MAP4K5: variants seen among roughly 807,000 people sequenced by gnomAD.
MAP4K5 encodes MAPK/ERK kinase kinase kinase 5.
A neutral mutation model predicts 135.6 loss-of-function variants in MAP4K5; 82 were observed. The observed-to-expected ratio is 0.60, with a 90% CI of 0.51 to 0.73. The LOEUF (loss-of-function observed/expected upper bound fraction) is 0.73. Among genes scored for constraint, MAP4K5 ranks in the 30% least tolerant of loss-of-function variants. The probability of loss-of-function intolerance (pLI) is 0.00; values close to 1 mark genes in which losing one functional copy is unlikely to be tolerated. For synonymous variants in MAP4K5, 347 were observed against 335.0 expected (o/e 1.04, Z -0.39); for missense variants, 907 against 1,010.9 (o/e 0.90, Z 1.39).
intron 3 of MAP4K5, among the ~76,000 whole-genome samples, chr14:50,502,560 A>T (rs1359480634): frequency 6.6e-6 from 1 of 152,150 alleles, no homozygotes. Flanking sequence ...CAAAATGCCA[A>T]ATATCCTACA....
chr14:50,524,698 CA>C (rs1458052961), intron 2 of MAP4K5, among the ~76,000 whole-genome samples: 41 of 151,568 alleles, frequency 2.7e-4, no homozygotes, highest in Admixed American at 2.7e-3. Context: ...GGAATACCTG[CA>C]AAAATCTGAA....
chr14:50,542,006 C>CAAAAAAAAA (rs59075218), intron 2 of MAP4K5, among the ~76,000 whole-genome samples: 1 of 62,476 alleles, frequency 1.6e-5, no homozygotes. Flanking sequence ...GATTCCGTCT[C>CAAAAAAAAA]AAAAAAAAAA....
chr14:50,519,122 C>T (rs1332561373), intron 2 of MAP4K5, among the ~76,000 whole-genome samples: 1 of 151,712 alleles, frequency 6.6e-6, no homozygotes, highest in African/African-American at 2.4e-5. Context: ...TATAACTATA[C>T]AAGAAAATAA....
chr14:50,523,037 C>T (rs904068407), intron 2 of MAP4K5, among the ~76,000 whole-genome samples: 6 of 152,162 alleles, frequency 3.9e-5, no homozygotes, highest in Admixed American at 1.3e-4. Context: ...ATGGGCTGGG[C>T]GCAGTGGCTC....
chr14:50,531,960 G>T lies in MAP4K5; in HGVS notation c.90C>A (p.Thr30=). The change falls in exon 2 of 33, where the codon ACC becomes ACA. Residue 30 remains threonine, a synonymous_variant. Coordinates refer to ENST00000682126, the MANE Select transcript of MAP4K5 (RefSeq NM_006575.6). ...YELVQRVGSG[T]YGDVYKARNV... ...CACTTACCTTATAGACGTCCCCGTA[G>T]GTGCCGCTGCCGACCCTCTGGACGA... 1 of 1,602,216 alleles carries T rather than the reference G, an allele frequency of 6.2e-7. No individual in the cohort carries two copies. The highest frequency in any genetic ancestry group is 2.3e-5 in the East Asian group (1 of 44,090).
chr14:50,476,740 G>A (rs1054137177), intron 6 of MAP4K5, among the ~76,000 whole-genome samples: 3 of 152,340 alleles, frequency 2.0e-5, no homozygotes, highest in East Asian at 3.9e-4. Context: ...GGGATTACAG[G>A]CGTGAGCCAC....
chr14:50,474,017 T>A (rs779737945), intron 9 of MAP4K5, among the ~76,000 whole-genome samples: 23 of 152,132 alleles, frequency 1.5e-4, no homozygotes, highest in Non-Finnish European at 3.2e-4. Flanking sequence ...AACTTGACTA[T>A]TTCCACATAC....
At chr14:50,474,453 C>G (rs2037050821) in intron 9 of MAP4K5, among the ~76,000 whole-genome samples, 1 of 151,598 alleles carries the variant, frequency 6.6e-6, no homozygotes, top group South Asian at 2.1e-4. Flanking sequence ...ATAACATTCA[C>G]AATTTTAAAT....
In MAP4K5 at chr14:50,520,641, A is replaced by C. The variant is rs1300422347; in HGVS notation, c.108+11301T>G. The stretch of plus-strand genomic sequence containing the variant: ...TGAAATCATTCACATTTTATAATTT[A>C]TAACAGCATTACAGAGCCTAGTTTA... On this transcript the variant is annotated intron_variant, in intron 2 of 32. Transcript: ENST00000682126. Among the ~76,000 whole-genome samples, 3 of 152,344 alleles carry C rather than the reference A, an allele frequency of 2.0e-5. No individual in the cohort carries two copies. The East Asian group carries it at 5.8e-4, about 29-fold the overall frequency.
At chr14:50,464,437 T>C (rs2036785519) in intron 11 of MAP4K5, among the ~76,000 whole-genome samples, 1 of 152,214 alleles carries the variant, frequency 6.6e-6, no homozygotes. Flanking sequence ...AAATGTCCTT[T>C]TCTCATTGCA....
rs2139643019 is a variant in MAP4K5, at chr14:50,428,773, G to C, written c.2234-19C>G. The C allele has an allele frequency of 9.0e-7, 1 of 1,113,346 alleles. No homozygotes were observed. Among genetic ancestry groups the C allele is most frequent in the Non-Finnish European group, 1.3e-6 (1 of 784,322 alleles). The allele number at this position is 1,113,346 out of a possible 1,614,324, so 69.0% of individuals were successfully genotyped here. ...ACAAATTCTTAAAAAAAAAAAACAA[G>C]TCAAGACTGGACATGCAAATCTGCT... is the stretch of plus-strand genomic sequence containing the variant. On this transcript the variant is annotated intron_variant, in intron 29 of 32. Coordinates refer to ENST00000682126, the MANE Select transcript of MAP4K5 (RefSeq NM_006575.6).
At chr14:50,420,371 C>T (rs558893833) in intron 32 of MAP4K5, among the ~76,000 whole-genome samples, 9 of 152,214 alleles carry the variant, frequency 5.9e-5, no homozygotes, top group African/African-American at 2.2e-4. Context: ...TGGCTCACAC[C>T]TGTAATCCCA....
chr14:50,517,595 C>T (rs1482737704), intron 2 of MAP4K5, among the ~76,000 whole-genome samples: 2 of 151,920 alleles, frequency 1.3e-5, no homozygotes, highest in Non-Finnish European at 1.5e-5. Context: ...TGGTGAAATC[C>T]TGTCTCTACT....
upstream of MAP4K5, among the ~76,000 whole-genome samples, chr14:50,537,197 A>G (rs1376775434): frequency 6.6e-6 from 1 of 152,180 alleles, no homozygotes; most frequent in Non-Finnish European, 1.5e-5. Context: ...CTGCAGCTGA[A>G]AGGGGCCAAC....
intron 7 of MAP4K5, 30 bp downstream of exon 7, chr14:50,476,229 T>C (rs375237127): frequency 3.4e-6 from 5 of 1,486,292 alleles, no homozygotes; most frequent in Non-Finnish European, 4.5e-6. Context: ...CCAATAGAAT[T>C]GGCAATTTAA....
intron 23 of MAP4K5, among the ~76,000 whole-genome samples, chr14:50,439,523 T>G (rs1173034376): frequency 2.0e-5 from 3 of 152,068 alleles, no homozygotes; most frequent in Non-Finnish European, 4.4e-5. Context: ...GACTCTACAG[T>G]TTACTAAGCA....
chr14:50,560,797 C>A lies in MAP4K5; in HGVS notation c.-180+243G>T, dbSNP rs994140775. Among the ~76,000 whole-genome samples the A allele has an allele frequency of 3.3e-5, 5 of 152,244 alleles. No homozygotes were observed. The East Asian group carries it at 7.8e-4, about 24-fold the overall frequency. Reference sequence around the variant, plus strand: ...GCTCCCGGCGGCGGGCGGCGGGCGGCGCGCTGGAACAATGAGGCGGAGCGC... The same window carrying A: ...GCTCCCGGCGGCGGGCGGCGGGCGGAGCGCTGGAACAATGAGGCGGAGCGC... On this transcript the variant is annotated intron_variant, in intron 1 of 8. Coordinates refer to the MAP4K5 transcript ENST00000555216.
At chr14:50,498,859 A>G (rs2037648581) in intron 3 of MAP4K5, among the ~76,000 whole-genome samples, 2 of 152,244 alleles carry the variant, frequency 1.3e-5, no homozygotes, top group African/African-American at 4.8e-5. Context: ...CTGTTAAATC[A>G]ATACAAGAAA....
intron 1 of MAP4K5, among the ~76,000 whole-genome samples, chr14:50,548,092 G>T (rs1385315972): frequency 6.6e-6 from 1 of 152,088 alleles, no homozygotes; most frequent in African/African-American, 2.4e-5. Context: ...ACCCCAAAAA[G>T]ATACAGGGGC....
Sources: allele counts gnomAD v4.1 joint callset (sites outside exome capture counted in the v4.1 genomes callset), GRCh38; gene constraint gnomAD v4.1.1; transcripts MANE v1.5; gene names NCBI Gene and HGNC (gene_info 2026-07-23, HGNC 2026-07-21).